The following ATE1 variants were observed in gnomAD, a reference collection of about 807,000 sequenced individuals.
ATE1 encodes the protein arginyltransferase 1.
A neutral mutation model predicts 70.5 loss-of-function variants in ATE1; 36 were observed. That is an observed-to-expected ratio of 0.51 (90% CI 0.39 to 0.67). The LOEUF is 0.67. ATE1 is among the 30% of genes least tolerant of loss of function. The pLI is 0.00. For synonymous variants in ATE1, 232 were observed against 219.3 expected (o/e 1.06, Z -0.51); for missense variants, 593 against 629.5 (o/e 0.94, Z 0.62).
At chr10:121,891,878 A>G (rs1335950513) in intron 7 of ATE1, among the ~76,000 whole-genome samples, 2 of 152,206 alleles carry the variant, frequency 1.3e-5, no homozygotes, top group Non-Finnish European at 2.9e-5. Context: ...TCCCTCTTAT[A>G]TTAACAAAAC....
intron 8 of ATE1, among the ~76,000 whole-genome samples, chr10:121,869,344 C>T (rs1949771602): frequency 6.6e-6 from 1 of 152,202 alleles, no homozygotes; most frequent in Admixed American, 6.5e-5. Flanking sequence ...ACTTCCTTTT[C>T]CAAGTCTTGA....
intron 7 of ATE1, among the ~76,000 whole-genome samples, chr10:121,875,302 T>G (rs1590595140): frequency 1.8e-4 from 5 of 28,454 alleles, no homozygotes; most frequent in East Asian, 2.8e-3. Context: ...TTTTTGGTTT[T>G]TTTTTGTTTT....
At chr10:121,876,554 G>A (rs1046549763) in intron 7 of ATE1, among the ~76,000 whole-genome samples, 16 of 152,084 alleles carry the variant, frequency 1.1e-4, no homozygotes, top group African/African-American at 3.6e-4. Flanking sequence ...CTACCTTCAA[G>A]CCTAGTTTGT....
intron 7 of ATE1, among the ~76,000 whole-genome samples, chr10:121,878,281 C>A (rs951303940): frequency 6.6e-6 from 1 of 152,086 alleles, no homozygotes; most frequent in Non-Finnish European, 1.5e-5. Flanking sequence ...CGAGCAGTGA[C>A]TATAAGAGCA....
At chr10:121,811,735 T>C (rs1947326080) in intron 10 of ATE1, among the ~76,000 whole-genome samples, 3 of 152,296 alleles carry the variant, frequency 2.0e-5, no homozygotes, top group African/African-American at 7.2e-5. Flanking sequence ...ATTTATCTGA[T>C]TTAATCTAAA....
chr10:121,861,354 T>C lies in ATE1; in HGVS notation c.975+8652A>G, dbSNP rs1051327946. On this transcript the variant is annotated intron_variant, in intron 8 of 11. Transcript: ENST00000224652. ...GAAATCAACTTTGGTATATTTATCATATGGGACTGGTTTCTAGGAAAAGAC... is the reference window on the plus strand; with the variant it reads ...GAAATCAACTTTGGTATATTTATCACATGGGACTGGTTTCTAGGAAAAGAC... 3.3e-5 allele frequency among the ~76,000 whole-genome samples: 5 copies of C among 152,216 alleles called. 1 individual carries two copies. The South Asian group carries it at 1.0e-3, about 32-fold the overall frequency.
At chr10:121,903,568 T>G (rs1029150873) in intron 5 of ATE1, among the ~76,000 whole-genome samples, 6 of 151,936 alleles carry the variant, frequency 3.9e-5, no homozygotes, top group Non-Finnish European at 7.4e-5. Context: ...ACACCTGTAA[T>G]CCCAGCTACT....
chr10:121,860,676 T>C (rs1167851846), intron 8 of ATE1, among the ~76,000 whole-genome samples: 3 of 152,212 alleles, frequency 2.0e-5, no homozygotes, highest in African/African-American at 4.8e-5. Flanking sequence ...GCAGAACAAA[T>C]AGATAAATAT....
At chr10:121,898,401 G>A (rs1950857120) in intron 7 of ATE1, among the ~76,000 whole-genome samples, 1 of 152,186 alleles carries the variant, frequency 6.6e-6, no homozygotes, top group Non-Finnish European at 1.5e-5. Flanking sequence ...TGTAAAGCAG[G>A]CGAGGCTAAG....
intron 10 of ATE1, among the ~76,000 whole-genome samples, chr10:121,804,889 C>T (rs1457155211): frequency 6.6e-6 from 1 of 152,094 alleles, no homozygotes; most frequent in Non-Finnish European, 1.5e-5. Context: ...TTATGATAGC[C>T]TCCATGCTTA....
chr10:121,889,203 T>C (rs1383075008), intron 7 of ATE1, among the ~76,000 whole-genome samples: 7 of 152,160 alleles, frequency 4.6e-5, no homozygotes, highest in Non-Finnish European at 1.5e-5. Context: ...TGAACACTTA[T>C]GCATACTTTT....
In ATE1 at chr10:121,869,987, G is replaced by A. The variant is rs1949795042; in HGVS notation, c.975+19C>T. 6.3e-7 allele frequency: 1 copy of A among 1,590,696 alleles called. No homozygotes were observed. Among genetic ancestry groups the A allele is most frequent in the African/African-American group, 1.3e-5 (1 of 74,506 alleles). Reference sequence around the variant, plus strand: ...TTCAATTACCAATTCTAATATTAAGGTCAGTGAGTAACTCTTACCTCCAAG... The same window carrying A: ...TTCAATTACCAATTCTAATATTAAGATCAGTGAGTAACTCTTACCTCCAAG... On this transcript the variant is annotated intron_variant, in intron 8 of 11. Coordinates refer to ENST00000224652, the MANE Select transcript of ATE1 (RefSeq NM_001001976.3).
At chr10:121,808,767 A>G (rs1590355711) in intron 10 of ATE1, among the ~76,000 whole-genome samples, 2 of 152,210 alleles carry the variant, frequency 1.3e-5, no homozygotes, top group African/African-American at 4.8e-5. Context: ...TGGGAAAGGA[A>G]GCAGTACTTA....
In ATE1 at chr10:121,927,939, C is replaced by G; in HGVS notation, c.11G>C (p.Trp4Ser). ...CACGACGCTGGGCGAACCCCCCGCC[C>G]AGAAAGCCATGGCCTCGGCCCCGCG... MAF[W>S]AGGSPSVVDY... Residue 4 changes from tryptophan to serine, a missense_variant, in exon 1 of 12, where the codon TGG (tryptophan) becomes TCG (serine). Trp to Ser is a radical substitution (Grantham distance 177, BLOSUM62 -3). Coordinates refer to ENST00000224652, the MANE Select transcript of ATE1 (RefSeq NM_001001976.3). 6.4e-7 allele frequency: 1 copy of G among 1,569,998 alleles called. No homozygotes were observed. The highest frequency in any genetic ancestry group is 2.5e-5 in the East Asian group (1 of 40,346).
intron 8 of ATE1, among the ~76,000 whole-genome samples, chr10:121,862,876 C>A (rs546236184): frequency 6.6e-6 from 1 of 152,068 alleles, no homozygotes; most frequent in Non-Finnish European, 1.5e-5. Context: ...TGGCAACACC[C>A]GGAAGTTACT....
At chr10:121,880,554 C>A (rs4322329) in intron 7 of ATE1, among the ~76,000 whole-genome samples, 135,127 of 150,296 alleles carry the variant, frequency 0.9, 60,892 homozygotes, top group Middle Eastern at 0.96. Flanking sequence ...CATAAAAGCC[C>A]ACAAATATAT....
chr10:121,896,203 C>A (rs1464050080), intron 7 of ATE1, among the ~76,000 whole-genome samples: 1 of 152,122 alleles, frequency 6.6e-6, no homozygotes, highest in Non-Finnish European at 1.5e-5. Flanking sequence ...GATTCAATTT[C>A]TTTAGCAAGA....
intron 5 of ATE1, among the ~76,000 whole-genome samples, chr10:121,909,829 T>C (rs944843889): frequency 6.6e-6 from 1 of 152,106 alleles, no homozygotes; most frequent in Non-Finnish European, 1.5e-5. Flanking sequence ...GGAGGATAAC[T>C]AGGTGAGGAG....
At chr10:121,776,227 A>G (rs934796569) in intron 11 of ATE1, among the ~76,000 whole-genome samples, 2 of 152,168 alleles carry the variant, frequency 1.3e-5, no homozygotes, top group African/African-American at 4.8e-5. Context: ...AATTACTGTT[A>G]ACTATAGTTG....
Sources: allele counts gnomAD v4.1 joint callset (sites outside exome capture counted in the v4.1 genomes callset), GRCh38; gene constraint gnomAD v4.1.1; transcripts MANE v1.5; gene names NCBI Gene and HGNC (gene_info 2026-07-23, HGNC 2026-07-21).